Variants in RAB6B observed in about 807,000 individuals in gnomAD.
RAB6B encodes the protein ras-related protein Rab-6B.
In RAB6B, 7 loss-of-function variants were observed where a neutral mutation model predicts 31.2. The ratio of observed to expected loss-of-function variants is 0.22; its 90% CI spans 0.13 to 0.42. RAB6B has a LOEUF of 0.42. Ranked by LOEUF, RAB6B falls within the 10% of genes least tolerant of loss-of-function variation. The pLI is 1.00. For missense variants in RAB6B, 149 were observed against 280.6 expected (o/e 0.53, Z 3.35); for synonymous variants, 105 against 104.9 (o/e 1.00, Z -0.01).
chr3:133,825,448 G>A lies in RAB6B; in HGVS notation c.*3340C>T, dbSNP rs1175644842. The A allele has an allele frequency of 1.3e-5, 2 of 152,230 alleles. No individual in the cohort carries two copies. Among genetic ancestry groups the A allele is most frequent in the Admixed American group, 1.3e-4 (2 of 15,286 alleles). 9.4% of individuals were successfully genotyped at this position (152,230 alleles called of 1,614,324 possible). On this transcript the variant is annotated 3_prime_UTR_variant, in exon 8 of 8. Coordinates refer to ENST00000285208, the MANE Select transcript of RAB6B (RefSeq NM_016577.4). ...CTCAGACCTGGGAACATGACTGAAT[G>A]TTTAAGGATGACAAGAAGAGAGCAG...
At chr3:133,892,906 C>A (rs1297003706) in intron 1 of RAB6B, among the ~76,000 whole-genome samples, 5 of 152,218 alleles carry the variant, frequency 3.3e-5, no homozygotes, top group Non-Finnish European at 7.3e-5. Context: ...GGTGACTCCC[C>A]ATCCCATAAG....
intron 1 of RAB6B, among the ~76,000 whole-genome samples, chr3:133,891,350 G>T (rs986710598): frequency 1.3e-5 from 2 of 152,198 alleles, no homozygotes; most frequent in Non-Finnish European, 2.9e-5. Context: ...AACAGGCAAG[G>T]CCCTCTGGGT....
intron 1 of RAB6B, among the ~76,000 whole-genome samples, chr3:133,874,800 ATTTTT>A (rs34218354): frequency 6.7e-6 from 1 of 149,066 alleles, no homozygotes; most frequent in African/African-American, 2.5e-5. Context: ...TTGTCTATTA[ATTTTT>A]TTTTTTTTAC....
rs189494667 is a variant in RAB6B, at chr3:133,842,578, A to G, written c.130-915T>C. Among the ~76,000 whole-genome samples, 12 of 152,402 alleles carry G rather than the reference A, an allele frequency of 7.9e-5. 1 individual carries two copies. The highest frequency in any genetic ancestry group is 5.9e-4 in the Admixed American group (9 of 15,312). On this transcript the variant is annotated intron_variant, in intron 2 of 7. Transcript: ENST00000285208. ...ACCCTTGGCAGCTGTTAACAATCACATTCTTGAAAAAATATTTAAGGATTT... is the reference window on the plus strand; with the variant it reads ...ACCCTTGGCAGCTGTTAACAATCACGTTCTTGAAAAAATATTTAAGGATTT...
chr3:133,873,183 A>G (rs1936349686), intron 1 of RAB6B, among the ~76,000 whole-genome samples: 1 of 152,212 alleles, frequency 6.6e-6, no homozygotes, highest in African/African-American at 2.4e-5. Context: ...ACAAGAGCAG[A>G]AAAAGGAAAG....
At chr3:133,872,912 A>G (rs1426399052) in intron 1 of RAB6B, among the ~76,000 whole-genome samples, 2 of 152,106 alleles carry the variant, frequency 1.3e-5, no homozygotes, top group Non-Finnish European at 2.9e-5. Flanking sequence ...GAGGGGAGGG[A>G]GGAGTCAAAA....
At chr3:133,829,843 A>G (rs906294941) in intron 7 of RAB6B, among the ~76,000 whole-genome samples, 3 of 152,184 alleles carry the variant, frequency 2.0e-5, no homozygotes, top group Non-Finnish European at 2.9e-5. Context: ...TCTAACAACC[A>G]TGCGGCCATG....
intron 7 of RAB6B, among the ~76,000 whole-genome samples, chr3:133,829,959 G>A (rs76815718): frequency 1.6e-5 from 1 of 64,342 alleles, no homozygotes; most frequent in Non-Finnish European, 5.3e-5. Flanking sequence ...TTTATCTTGT[G>A]TGTATGTATA....
chr3:133,890,694 C>T (rs1467210335), intron 1 of RAB6B, among the ~76,000 whole-genome samples: 2 of 152,142 alleles, frequency 1.3e-5, no homozygotes, highest in East Asian at 3.8e-4. Flanking sequence ...AAATCTCACA[C>T]AGCAAGGATA....
At chr3:133,863,810 C>G (rs1222693473) in intron 2 of RAB6B, among the ~76,000 whole-genome samples, 1 of 152,140 alleles carries the variant, frequency 6.6e-6, no homozygotes, top group Non-Finnish European at 1.5e-5. Flanking sequence ...AAAACAGCAC[C>G]TTTTTTCTTT....
intron 6 of RAB6B, among the ~76,000 whole-genome samples, chr3:133,835,378 GGCATCTTTAT>G (rs1935718787): frequency 6.6e-6 from 1 of 151,960 alleles, no homozygotes; most frequent in South Asian, 2.1e-4. Flanking sequence ...GTGAACGTGT[GGCATCTTTAT>G]GTGTGTGTTT....
At chr3:133,895,068 A>G (rs1305136826) in intron 1 of RAB6B, among the ~76,000 whole-genome samples, 1 of 151,844 alleles carries the variant, frequency 6.6e-6, no homozygotes, top group Non-Finnish European at 1.5e-5. Context: ...TGAGCTAGCC[A>G]GCGAGCCCGG....
chr3:133,886,741 C>T (rs1367814476), intron 1 of RAB6B, among the ~76,000 whole-genome samples: 1 of 152,212 alleles, frequency 6.6e-6, no homozygotes, highest in South Asian at 2.1e-4. Flanking sequence ...CTCAAAATCT[C>T]GCACCCTACT....
intron 7 of RAB6B, among the ~76,000 whole-genome samples, chr3:133,833,699 C>A (rs1246171985): frequency 6.6e-6 from 1 of 152,192 alleles, no homozygotes; most frequent in Non-Finnish European, 1.5e-5. Flanking sequence ...CCCTCAGAGG[C>A]CTATAGGATC....
At chr3:133,838,068 C>T (rs572128100) in intron 6 of RAB6B, 98 bp downstream of exon 6, 1 of 1,273,592 alleles carries the variant, frequency 7.9e-7, no homozygotes, top group Admixed American at 1.7e-5. Context: ...AATCCCATCA[C>T]CAGCCCTTCA....
intron 2 of RAB6B, among the ~76,000 whole-genome samples, chr3:133,861,690 A>G (rs545720301): frequency 6.6e-6 from 1 of 152,338 alleles, no homozygotes; most frequent in Admixed American, 6.5e-5. Context: ...TAGGCATTTG[A>G]CAAACATCTT....
intron 7 of RAB6B, among the ~76,000 whole-genome samples, chr3:133,832,650 C>T (rs1173639934): frequency 6.6e-6 from 1 of 152,206 alleles, no homozygotes; most frequent in Non-Finnish European, 1.5e-5. Flanking sequence ...TCTGCCTGGT[C>T]CCTCTGGGAC....
intron 1 of RAB6B, among the ~76,000 whole-genome samples, chr3:133,871,136 C>T (rs769267866): frequency 6.6e-6 from 1 of 152,270 alleles, no homozygotes. Flanking sequence ...CCCACTGGGG[C>T]TCACTGTGTG....
intron 2 of RAB6B, among the ~76,000 whole-genome samples, chr3:133,855,364 A>G (rs538160095): frequency 1.3e-5 from 2 of 152,382 alleles, no homozygotes; most frequent in South Asian, 4.1e-4. Context: ...TCAGTTTCAA[A>G]GTCTGTATGG....
Sources: allele counts gnomAD v4.1 joint callset (sites outside exome capture counted in the v4.1 genomes callset), GRCh38; gene constraint gnomAD v4.1.1; transcripts MANE v1.5; gene names NCBI Gene and HGNC (gene_info 2026-07-23, HGNC 2026-07-21).